NETO2: variants seen among roughly 807,000 people sequenced by gnomAD.
NETO2 encodes neuropilin and tolloid like 2.
In NETO2, 28 loss-of-function variants were observed where a neutral mutation model predicts 62.5. That is an observed-to-expected ratio of 0.45 (90% confidence interval 0.33 to 0.61). The LOEUF (loss-of-function observed/expected upper bound fraction) is 0.61. NETO2 is among the 20% of genes least tolerant of loss of function. NETO2 has a pLI of 0.02. For missense variants in NETO2, 548 were observed against 643.2 expected (o/e 0.85, Z 1.60); for synonymous variants, 214 against 219.1 (o/e 0.98, Z 0.21).
rs149384006 is a variant in NETO2 at position 47,083,642 on chromosome 16, T to C, written c.1157A>G (p.Lys386Arg). The change falls in exon 9 of 9, where the codon AAA becomes AGA. Residue 386 changes from lysine (K) to arginine (R), a missense_variant. Coordinates refer to ENST00000562435, the MANE Select transcript of NETO2 (RefSeq NM_018092.5). Reference sequence around the variant, plus strand: ...ATCAAACACTTCTTGGAACCCGGTTTTATTAAAAGCGGTTTTGCAAGCCAT... The same window carrying C: ...ATCAAACACTTCTTGGAACCCGGTTCTATTAAAAGCGGTTTTGCAAGCCAT... ...KVMACKTAFN[K>R]TGFQEVFDPP... The C allele has an allele frequency of 9.7e-5, 157 of 1,614,082 alleles. No individual in the cohort carries two copies. The highest frequency in any genetic ancestry group is 1.3e-4 in the Non-Finnish European group (156 of 1,180,046).
intron 1 of NETO2, among the ~76,000 whole-genome samples, chr16:47,142,543 T>C (rs1284104611): frequency 6.6e-6 from 1 of 152,176 alleles, no homozygotes; most frequent in Non-Finnish European, 1.5e-5. Context: ...ATAACACCGT[T>C]AATAATGCCT....
chr16:47,113,234 C>T (rs1365221225), intron 6 of NETO2, among the ~76,000 whole-genome samples: 2 of 152,204 alleles, frequency 1.3e-5, no homozygotes, highest in African/African-American at 4.8e-5. Flanking sequence ...TCTAACGAGA[C>T]AATTTATACT....
At chr16:47,126,488 C>A (rs1006315389) in intron 4 of NETO2, among the ~76,000 whole-genome samples, 2 of 152,178 alleles carry the variant, frequency 1.3e-5, no homozygotes, top group African/African-American at 4.8e-5. Context: ...GAGGGACCAA[C>A]AGGCAGAGCA....
intron 7 of NETO2, among the ~76,000 whole-genome samples, chr16:47,105,081 A>G (rs1963644312): frequency 6.7e-6 from 1 of 149,404 alleles, no homozygotes. Context: ...TGCTATGTTG[A>G]CCAGGCTGGT....
chr16:47,086,467 T>C lies in NETO2; in HGVS notation c.884-128A>G, dbSNP rs573133663. ...GCCTTTCCTTGAATAAACTCTGTAC[T>C]ATTCAAACAATAAGACAAACGTCAA... On this transcript the variant is annotated intron_variant, in intron 7 of 8. Transcript: ENST00000562435. 3 of 622,838 alleles carry C rather than the reference T, an allele frequency of 4.8e-6. No individual in the cohort carries two copies. In the South Asian group the frequency reaches 6.0e-5, roughly 12 times the overall value. The allele number at this position is 622,838 out of a possible 1,614,324, so 38.6% of individuals were successfully genotyped here. A position where few individuals can be genotyped will look rare whatever the true frequency, so the allele number is the denominator to read the frequency against.
intron 6 of NETO2, among the ~76,000 whole-genome samples, chr16:47,121,904 T>C (rs1964047911): frequency 6.6e-6 from 1 of 152,244 alleles, no homozygotes; most frequent in Non-Finnish European, 1.5e-5. Flanking sequence ...TAATTATTTG[T>C]CATATTTTAC....
At chr16:47,142,902 A>G (rs1339990229) in intron 1 of NETO2, among the ~76,000 whole-genome samples, 1 of 152,164 alleles carries the variant, frequency 6.6e-6, no homozygotes, top group African/African-American at 2.4e-5. Context: ...GGGAATTCTG[A>G]GACCTCTGGC....
intron 1 of NETO2, 135 bp from the exon 2 acceptor site, chr16:47,132,160 C>A: frequency 1.5e-6 from 1 of 669,304 alleles, no homozygotes; most frequent in Non-Finnish European, 2.6e-6. Flanking sequence ...CTCTCAAGAT[C>A]TTTAAGCATT....
chr16:47,098,278 G>C (rs990346448), intron 7 of NETO2, among the ~76,000 whole-genome samples: 2 of 151,984 alleles, frequency 1.3e-5, no homozygotes, highest in African/African-American at 4.8e-5. Context: ...TAAGAACCTT[G>C]AAAAAAGGTT....
intron 1 of NETO2, among the ~76,000 whole-genome samples, chr16:47,137,902 G>A (rs1357085022): frequency 6.6e-6 from 1 of 152,190 alleles, no homozygotes; most frequent in Non-Finnish European, 1.5e-5. Context: ...AGGGAGTCAA[G>A]CATCAGAGTG....
chr16:47,096,154 C>G (rs916660650), intron 7 of NETO2, among the ~76,000 whole-genome samples: 13 of 152,086 alleles, frequency 8.5e-5, no homozygotes, highest in Admixed American at 7.9e-4. Context: ...ATGCAGAGTA[C>G]TAAAAGCAGT....
chr16:47,091,450 T>C (rs1449505741), intron 7 of NETO2, among the ~76,000 whole-genome samples: 2 of 152,210 alleles, frequency 1.3e-5, no homozygotes, highest in African/African-American at 4.8e-5. Flanking sequence ...AAAATAAATA[T>C]GTGAGTAAAA....
chr16:47,131,903 A>C, intron 2 of NETO2, 66 bp downstream of exon 2: 1 of 1,334,272 alleles, frequency 7.5e-7, no homozygotes, highest in Non-Finnish European at 1.1e-6. Flanking sequence ...CAAAAGTTGC[A>C]ATCCTTTCAA....
In NETO2 at chr16:47,079,216, G is replaced by C. The variant is rs1473978330; in HGVS notation, c.*4005C>G. On this transcript the variant is annotated 3_prime_UTR_variant, in exon 9 of 9. Coordinates refer to ENST00000562435, the MANE Select transcript of NETO2 (RefSeq NM_018092.5). ...GAATGGCATGAACCCGGGAGGCGGA[G>C]CTTGCAGTGAGCCGAGATCACGCCA... 6.6e-6 allele frequency: 1 copy of C among 151,562 alleles called. No homozygotes were observed. The highest frequency in any genetic ancestry group is 1.5e-5 in the Non-Finnish European group (1 of 68,000). 9.4% of individuals were successfully genotyped at this position (151,562 alleles called of 1,614,324 possible). A position where few individuals can be genotyped will look rare whatever the true frequency, so the allele number is the denominator to read the frequency against.
In NETO2 at chr16:47,129,267, A is replaced by G; in HGVS notation, c.189T>C (p.Pro63=). 6.2e-7 allele frequency: 1 copy of G among 1,614,114 alleles called. No individual in the cohort carries two copies. Among genetic ancestry groups the G allele is most frequent in the Non-Finnish European group, 8.5e-7 (1 of 1,179,960 alleles). Residue 63 remains proline, a synonymous_variant, in exon 3 of 9, where the codon CCT becomes CCC. Transcript: ENST00000562435. ...ACTCCTTGTTTGGTGGATATGAGTC[A>G]GGATAATTTGGCGAAGCAAAATGAC... is the stretch of plus-strand genomic sequence containing the variant. ...NGGHFASPNY[P]DSYPPNKECI... is the part of the protein sequence containing the mutation.
rs549662134 is a variant in NETO2 at position 47,102,815 on chromosome 16, T to C, written c.883+6668A>G. Among the ~76,000 whole-genome samples, 9 of 152,234 alleles carry C rather than the reference T, an allele frequency of 5.9e-5. No individual in the cohort carries two copies. The South Asian group carries it at 1.9e-3, about 32-fold the overall frequency. On this transcript the variant is annotated intron_variant, in intron 7 of 8. Coordinates refer to ENST00000562435, the MANE Select transcript of NETO2 (RefSeq NM_018092.5). ...CAACAGATGCTGGAGAGGATGTGGA[T>C]AAACAGGAGCTCTTTTATACTGTTG... is the stretch of plus-strand genomic sequence containing the variant.
rs2143789902 is a variant in NETO2 at position 47,083,151 on chromosome 16, G to C, written c.*70C>G. On this transcript the variant is annotated 3_prime_UTR_variant, in exon 9 of 9. Transcript: ENST00000562435. ...GATGGGAGAAAAGGGTTGGCTGCTG[G>C]AAACAGTATGGTGCCCTGGAGGCTG... The C allele has an allele frequency of 6.5e-6, 9 of 1,384,460 alleles. No individual in the cohort carries two copies. The highest frequency in any genetic ancestry group is 8.9e-6 in the Non-Finnish European group (9 of 1,010,774). The allele number at this position is 1,384,460 out of a possible 1,614,324, so 85.8% of individuals were successfully genotyped here.
intron 7 of NETO2, among the ~76,000 whole-genome samples, chr16:47,105,951 T>A (rs958747028): frequency 2.0e-5 from 3 of 152,128 alleles, no homozygotes; most frequent in Non-Finnish European, 4.4e-5. Context: ...TCCCATATGA[T>A]CCAGCAATTC....
chr16:47,109,582 C>A lies in NETO2; in HGVS notation c.784G>T (p.Asp262Tyr), dbSNP rs1360001489. 6.2e-7 allele frequency: 1 copy of A among 1,613,980 alleles called. No individual in the cohort carries two copies. The highest frequency in any genetic ancestry group is 8.5e-7 in the Non-Finnish European group (1 of 1,180,004). ...CCAATTCCTGTTTTAAGCATTACATCATTGGCCACAGTGCTGCAAAACTTG... is the reference window on the plus strand; with the variant it reads ...CCAATTCCTGTTTTAAGCATTACATAATTGGCCACAGTGCTGCAAAACTTG... ...KAKFCSTVANDVMLKTGIGVI... is the reference protein window; with the variant it reads ...KAKFCSTVANYVMLKTGIGVI... Residue 262 changes from aspartate to tyrosine, a missense_variant, in exon 7 of 9, where the codon GAT (aspartate) becomes TAT (tyrosine). Coordinates refer to ENST00000562435, the MANE Select transcript of NETO2 (RefSeq NM_018092.5).
Sources: gnomAD v4.1 joint callset for allele counts (sites outside exome capture counted in the v4.1 genomes callset) on GRCh38, gnomAD v4.1.1 for gene constraint, MANE v1.5 for transcripts, NCBI Gene and HGNC (gene_info 2026-07-23, HGNC 2026-07-21) for gene names.